Variants in ZMPSTE24 observed in about 807,000 individuals in gnomAD.
ZMPSTE24 encodes zinc metallopeptidase STE24.
ZMPSTE24 carries 48 observed loss-of-function variants against 56.7 expected under a neutral mutation model. That is an observed-to-expected ratio of 0.85 (90% CI 0.67 to 1.08). The LOEUF (loss-of-function observed/expected upper bound fraction) is 1.08, where lower values mean the gene tolerates loss of function less well. Ranked by LOEUF, ZMPSTE24 falls within the 50% of genes least tolerant of loss-of-function variation. ZMPSTE24 has a pLI of 0.00. For synonymous variants in ZMPSTE24, 172 were observed against 195.2 expected, an observed-to-expected ratio of 0.88 and a Z score of 0.99; for missense variants, 503 against 548.7, an observed-to-expected ratio of 0.92 and a Z score of 0.83.
intron 4 of ZMPSTE24, among the ~76,000 whole-genome samples, 169 bp from the exon 5 acceptor site, chr1:40,269,806 C>G (rs1201181440): frequency 1.3e-5 from 2 of 152,144 alleles, no homozygotes; most frequent in Non-Finnish European, 2.9e-5. Flanking sequence ...CTGTAAAATG[C>G]AAGACATTTA....
intron 6 of ZMPSTE24, among the ~76,000 whole-genome samples, chr1:40,275,956 A>C (rs776689651): frequency 5.3e-5 from 8 of 152,164 alleles, no homozygotes; most frequent in Non-Finnish European, 1.0e-4. Flanking sequence ...TTAATTCCTC[A>C]CTGCTTTGCT....
intron 3 of ZMPSTE24, 86 bp from the exon 4 acceptor site, chr1:40,268,333 G>A: frequency 1.2e-6 from 1 of 869,174 alleles, no homozygotes; most frequent in Non-Finnish European, 2.0e-6. Context: ...TGCTTGGGAT[G>A]TAGTAAGTAA....
chr1:40,265,819 G>T (rs1484860020), intron 2 of ZMPSTE24, among the ~76,000 whole-genome samples: 1 of 152,230 alleles, frequency 6.6e-6, no homozygotes, highest in East Asian at 1.9e-4. Flanking sequence ...TAGGGCCTGA[G>T]ACTTTGCATT....
intron 7 of ZMPSTE24, among the ~76,000 whole-genome samples, chr1:40,284,249 G>A (rs1198883628): frequency 6.6e-6 from 1 of 151,230 alleles, no homozygotes; most frequent in Non-Finnish European, 1.5e-5. Flanking sequence ...ACCATGCCTG[G>A]CCTTCAGCTT....
intron 7 of ZMPSTE24, 121 bp downstream of exon 7, chr1:40,281,648 A>C: frequency 9.7e-7 from 1 of 1,035,784 alleles, no homozygotes; most frequent in South Asian, 1.4e-5. Flanking sequence ...TCAGATGAAA[A>C]CCATGGCTCC....
chr1:40,261,095 C>G (rs1643492660), intron 2 of ZMPSTE24, 110 bp downstream of exon 2: 4 of 1,364,468 alleles, frequency 2.9e-6, no homozygotes, highest in Admixed American at 1.7e-5. Flanking sequence ...GCTTTCTTAA[C>G]CTTTGTTATT....
intron 2 of ZMPSTE24, among the ~76,000 whole-genome samples, chr1:40,267,012 C>CT (rs201733458): frequency 0.25 from 38,110 of 151,692 alleles, 4,875 homozygotes; most frequent in African/African-American, 0.27. Flanking sequence ...AAGCAATCTG[C>CT]CTGCCTTGGC....
intron 2 of ZMPSTE24, among the ~76,000 whole-genome samples, chr1:40,265,826 C>T (rs937441621): frequency 1.3e-5 from 2 of 152,196 alleles, no homozygotes; most frequent in African/African-American, 4.8e-5. Flanking sequence ...TGAGACTTTG[C>T]ATTTCTAAGA....
At chr1:40,266,672 T>C (rs1475381719) in intron 2 of ZMPSTE24, among the ~76,000 whole-genome samples, 1 of 152,180 alleles carries the variant, frequency 6.6e-6, no homozygotes, top group African/African-American at 2.4e-5. Context: ...AAAGGACTAT[T>C]TTCTTTCACA....
chr1:40,280,037 A>C (rs950630554), intron 6 of ZMPSTE24, among the ~76,000 whole-genome samples: 3 of 152,158 alleles, frequency 2.0e-5, no homozygotes, highest in African/African-American at 4.8e-5. Flanking sequence ...AGAAGACGAC[A>C]CTTCAAAACA....
At chr1:40,265,468 C>T (rs1643539476) in intron 2 of ZMPSTE24, among the ~76,000 whole-genome samples, 1 of 152,150 alleles carries the variant, frequency 6.6e-6, no homozygotes, top group African/African-American at 2.4e-5. Context: ...GTAATCCCAG[C>T]ACTTTGGGAG....
chr1:40,289,522 G>A lies in ZMPSTE24; in HGVS notation c.1060-1332G>A, dbSNP rs566304226. On this transcript the variant is annotated intron_variant, in intron 8 of 9. Coordinates refer to ENST00000372759, the MANE Select transcript of ZMPSTE24 (RefSeq NM_005857.5). ...CCACTGAGTTATAAGGATGAGTGTC[G>A]AAGCTGCTTGTCCTGGGGCAGCTGG... Among the ~76,000 whole-genome samples, 367 of 152,280 alleles carry A rather than the reference G, an allele frequency of 2.4e-3. 3 individuals are homozygous for A. The highest frequency in any genetic ancestry group is 3.6e-3 in the Non-Finnish European group (246 of 68,026).
intron 8 of ZMPSTE24, among the ~76,000 whole-genome samples, chr1:40,289,786 C>G (rs1277460857): frequency 6.6e-6 from 1 of 151,970 alleles, no homozygotes; most frequent in African/African-American, 2.4e-5. Flanking sequence ...CTACTTTTCC[C>G]CCTGACCTTT....
At chr1:40,261,030 C>T in intron 2 of ZMPSTE24, 45 bp downstream of exon 2, 1 of 1,610,592 alleles carries the variant, frequency 6.2e-7, no homozygotes, top group Non-Finnish European at 8.5e-7. Context: ...TGGTTGTTTT[C>T]ATTTTCATAT....
At chr1:40,264,877 C>CAAAAAAA (rs35889679) in intron 2 of ZMPSTE24, among the ~76,000 whole-genome samples, 4 of 53,264 alleles carry the variant, frequency 7.5e-5, no homozygotes, top group Non-Finnish European at 1.1e-4. Context: ...GATCCTGTCT[C>CAAAAAAA]AAAAAAAAAA....
chr1:40,269,974 G>C lies in ZMPSTE24; in HGVS notation c.475-1G>C. The C allele has an allele frequency of 6.2e-7, 1 of 1,605,532 alleles. No individual in the cohort carries two copies. Among genetic ancestry groups the C allele is most frequent in the Non-Finnish European group, 8.5e-7 (1 of 1,177,808 alleles). On this transcript the variant is annotated splice_acceptor_variant, in intron 4 of 9. Transcript: ENST00000372759. LOFTEE classifies it high-confidence loss of function. Reference sequence around the variant, plus strand: ...CTTGTGGTAATGTTTTCTTTTTGCAGACTTTGGGGTTCTTCATGAAAGATG... The same window carrying C: ...CTTGTGGTAATGTTTTCTTTTTGCACACTTTGGGGTTCTTCATGAAAGATG...
intron 6 of ZMPSTE24, among the ~76,000 whole-genome samples, chr1:40,280,723 GTTGAA>G (rs1290985959): frequency 6.6e-6 from 1 of 152,190 alleles, no homozygotes; most frequent in Admixed American, 6.5e-5. Context: ...ACTGCACCCA[GTTGAA>G]TTTGCTTTTT....
intron 1 of ZMPSTE24, among the ~76,000 whole-genome samples, 161 bp from the exon 2 acceptor site, chr1:40,260,678 A>C (rs537030147): frequency 2.6e-4 from 40 of 152,336 alleles, no homozygotes; most frequent in Admixed American, 2.1e-3. Context: ...ATTTTCCTGC[A>C]TCAGTCGTTT....
chr1:40,289,099 A>T (rs1359721132), intron 8 of ZMPSTE24, among the ~76,000 whole-genome samples: 1 of 152,210 alleles, frequency 6.6e-6, no homozygotes, highest in Admixed American at 6.5e-5. Context: ...GATTATAGGG[A>T]ACAGCATATG....
Sources: allele counts gnomAD v4.1 joint callset (sites outside exome capture counted in the v4.1 genomes callset), GRCh38; gene constraint gnomAD v4.1.1; transcripts MANE v1.5; gene names NCBI Gene and HGNC (gene_info 2026-07-23, HGNC 2026-07-21).